CHUK: variants seen among roughly 807,000 people sequenced by gnomAD.
CHUK encodes the protein inhibitor of nuclear factor kappa-B kinase subunit alpha.
In CHUK, 35 loss-of-function variants were observed where a neutral mutation model predicts 104.8. That is an observed-to-expected ratio of 0.33 (90% CI 0.26 to 0.44). CHUK has a LOEUF of 0.44. Among genes scored for constraint, CHUK ranks in the 20% least tolerant of loss-of-function variants. The probability of loss-of-function intolerance (pLI) is 1.00; values close to 1 mark genes in which losing one functional copy is unlikely to be tolerated. For synonymous variants in CHUK, 276 were observed against 291.9 expected (o/e 0.95, Z 0.56); for missense variants, 663 against 902.7 (o/e 0.73, Z 3.40).
chr10:100,200,264 TAAAAAG>T (rs1444964921), intron 15 of CHUK, among the ~76,000 whole-genome samples: 1 of 152,152 alleles, frequency 6.6e-6, no homozygotes, highest in African/African-American at 2.4e-5. Flanking sequence ...CACAGACACT[TAAAAAG>T]ACAAAAATTA....
In CHUK at chr10:100,199,258, G is replaced by A. The variant is rs145164977; in HGVS notation, c.1729+713C>T. Among the ~76,000 whole-genome samples the A allele has an allele frequency of 2.5e-3, 385 of 152,250 alleles. 1 individual carries two copies. The highest frequency in any genetic ancestry group is 9.0e-3 in the African/African-American group (375 of 41,544). ...AAGCAATCTGCTTTGGCCTAGAACA[G>A]CACAGGCCTTCCCTCTAACCATTCC... On this transcript the variant is annotated intron_variant, in intron 16 of 20. Coordinates refer to ENST00000370397, the MANE Select transcript of CHUK (RefSeq NM_001278.5).
At chr10:100,203,888 T>C (rs1044287514) in intron 13 of CHUK, among the ~76,000 whole-genome samples, 3 of 152,158 alleles carry the variant, frequency 2.0e-5, no homozygotes, top group African/African-American at 7.2e-5. Context: ...CAAAATACCA[T>C]AGACTAAGTG....
In CHUK at chr10:100,228,993, GCACACACACACACA is replaced by G. The variant is rs59218517; in HGVS notation, c.105+421_105+434del. 4.5e-5 allele frequency among the ~76,000 whole-genome samples: 6 copies of G among 133,556 alleles called. No individual in the cohort carries two copies. The East Asian group carries it at 9.2e-4, about 21-fold the overall frequency. The allele number at this position is 133,556 out of a possible 152,430, so 87.6% of individuals were successfully genotyped here. On this transcript the variant is annotated intron_variant, in intron 1 of 20. Coordinates refer to ENST00000370397, the MANE Select transcript of CHUK (RefSeq NM_001278.5). ...GGCCTCCAAGCGCGCGCGCGCGCGC[GCACACACACACACA>G]CACACACACACACACACACGGACGC...
chr10:100,211,143 T>C (rs1845718711), intron 9 of CHUK, among the ~76,000 whole-genome samples: 1 of 152,204 alleles, frequency 6.6e-6, no homozygotes, highest in Non-Finnish European at 1.5e-5. Context: ...CACAAAACTA[T>C]AGACAACAGT....
chr10:100,226,066 GATTT>G (rs1484823169), intron 1 of CHUK, 49 bp from the exon 2 acceptor site: 3 of 1,080,332 alleles, frequency 2.8e-6, no homozygotes, highest in Non-Finnish European at 4.3e-6. Context: ...TTCTTGTGAA[GATTT>G]ATTTGCTACC....
chr10:100,193,101 T>C, intron 19 of CHUK, 197 bp downstream of exon 19: 1 of 630,042 alleles, frequency 1.6e-6, no homozygotes, highest in Non-Finnish European at 2.8e-6. Context: ...ACAGCAGTTC[T>C]ATGAGACATT....
Position 100,229,559 on chromosome 10 carries a change from T to A in CHUK, c.-27A>T, listed in dbSNP as rs1273523792. 6.9e-7 allele frequency: 1 copy of A among 1,442,712 alleles called. No individual in the cohort carries two copies. Among genetic ancestry groups the A allele is most frequent in the Non-Finnish European group, 9.4e-7 (1 of 1,068,914 alleles). 89.4% of individuals were successfully genotyped at this position (1,442,712 alleles called of 1,614,324 possible). On this transcript the variant is annotated 5_prime_UTR_variant, in exon 1 of 21. Transcript: ENST00000370397. ...GGGCGGGAGGGCAAGCGGCCTCAGG[T>A]TCCACAGTTGTTCCAAGGCCGGTTC...
intron 2 of CHUK, 70 bp downstream of exon 2, chr10:100,225,853 C>T: frequency 3.4e-6 from 3 of 874,748 alleles, no homozygotes; most frequent in Non-Finnish European, 5.9e-6. Context: ...GGATTCCTGG[C>T]CTCTTTCCCC....
intron 13 of CHUK, among the ~76,000 whole-genome samples, chr10:100,202,910 C>T (rs1442132377): frequency 1.3e-5 from 2 of 152,012 alleles, no homozygotes; most frequent in East Asian, 3.9e-4. Flanking sequence ...GTGTGCACCA[C>T]CATGCCCGGC....
intron 16 of CHUK, chr10:100,195,038 G>A (rs1223507234): frequency 6.5e-6 from 1 of 153,004 alleles, no homozygotes; most frequent in Non-Finnish European, 1.5e-5. Context: ...AAAGGGACCT[G>A]TAGACATCCT....
At position 100,191,066 on chromosome 10, in the gene CHUK, TC is replaced by T. The variant is rs1181317933; in HGVS notation, c.2109-99del. The T allele has an allele frequency of 2.0e-5, 16 of 796,592 alleles. No individual in the cohort carries two copies. In the Admixed American group the frequency reaches 2.8e-4, roughly 14 times the overall value. The allele number at this position is 796,592 out of a possible 1,614,324, so 49.3% of individuals were successfully genotyped here. On this transcript the variant is annotated intron_variant, in intron 19 of 20. Coordinates refer to ENST00000370397, the MANE Select transcript of CHUK (RefSeq NM_001278.5). The stretch of plus-strand genomic sequence containing the variant: ...TCTAGGTTAGCAAGATCACTAGCCT[TC>T]CTGTAACCCAGTACCCCAGTGCAGT...
chr10:100,223,101 ATATTCTAATTT>A (rs1846028007), intron 2 of CHUK, 121 bp from the exon 3 acceptor site: 5 of 573,560 alleles, frequency 8.7e-6, no homozygotes, highest in Non-Finnish European at 1.2e-5. Flanking sequence ...ATTATTTATA[ATATTCTAATTT>A]CTGATTTGTA....
Position 100,219,363 on chromosome 10 carries a change from C to A in CHUK, c.475-4G>T. ...GATCAATTATTTTATGTATTATCTG[C>A]AAAATAATAAGACAGATTAAGTATT... On this transcript the variant is annotated splice_polypyrimidine_tract_variant and splice_region_variant and intron_variant, in intron 5 of 20. Transcript: ENST00000370397. 2 of 1,405,096 alleles carry A rather than the reference C, an allele frequency of 1.4e-6. No individual in the cohort carries two copies. Among genetic ancestry groups the A allele is most frequent in the Non-Finnish European group, 2.0e-6 (2 of 989,944 alleles). 87.0% of individuals were successfully genotyped at this position (1,405,096 alleles called of 1,614,324 possible).
In CHUK at chr10:100,194,512, T is replaced by C. The variant is rs749299084; in HGVS notation, c.1739A>G (p.Tyr580Cys). The change falls in exon 17 of 21, where the codon TAC (tyrosine) becomes TGC (cysteine). Residue 580 changes from tyrosine to cysteine, a missense_variant. By Grantham distance (194) the Tyr-to-Cys change is radical. Transcript: ENST00000370397. ...QLKHRPSDHS[Y>C]SDSTEMVKII... ...TTTCACCATCTCTGTGCTGTCACTGTAGGAGTGATCTATAAAAGACATCAG... is the reference window on the plus strand; with the variant it reads ...TTTCACCATCTCTGTGCTGTCACTGCAGGAGTGATCTATAAAAGACATCAG... The C allele has an allele frequency of 6.2e-7, 1 of 1,608,008 alleles. No individual in the cohort carries two copies.
intron 9 of CHUK, among the ~76,000 whole-genome samples, chr10:100,216,084 C>T (rs1010956395): frequency 6.6e-6 from 1 of 152,154 alleles, no homozygotes; most frequent in African/African-American, 2.4e-5. Context: ...AATAGTGGTG[C>T]TGCAAACTGA....
chr10:100,215,214 C>CAAAA (rs913817319), intron 9 of CHUK, among the ~76,000 whole-genome samples: 1,206 of 51,170 alleles, frequency 0.024, 25 homozygotes, highest in East Asian at 0.059. Context: ...GGCTCCATAT[C>CAAAA]AAAAAAAAAA....
intron 18 of CHUK, 58 bp from the exon 19 acceptor site, chr10:100,193,489 A>C: frequency 1.3e-6 from 2 of 1,592,796 alleles, no homozygotes; most frequent in Non-Finnish European, 1.7e-6. Flanking sequence ...GTTGATTCAC[A>C]CAATTTCTTA....
At chr10:100,222,760 G>A in intron 3 of CHUK, 106 bp downstream of exon 3, 1 of 704,452 alleles carries the variant, frequency 1.4e-6, no homozygotes, top group Non-Finnish European at 2.6e-6. Flanking sequence ...ACAGGAAGCA[G>A]ACCATAGTTT....
At position 100,223,612 on chromosome 10, in the gene CHUK, A is replaced by T. The variant is rs902403976; in HGVS notation, c.201-632T>A. Among the ~76,000 whole-genome samples the T allele has an allele frequency of 1.5e-4, 15 of 98,896 alleles. No homozygotes were observed. In the African/African-American group the frequency reaches 1.6e-3, roughly 10 times the overall value. The allele number at this position is 98,896 out of a possible 152,430, so 64.9% of individuals were successfully genotyped here. ...ACATAGCAAGACCACATCTCTTTTA[A>T]AAAAAAAAAGAAAAAAAGAAAAAGA... On this transcript the variant is annotated intron_variant, in intron 2 of 20. Transcript: ENST00000370397.
Sources: allele counts gnomAD v4.1 joint callset (sites outside exome capture counted in the v4.1 genomes callset), GRCh38; gene constraint gnomAD v4.1.1; transcripts MANE v1.5; gene names NCBI Gene and HGNC (gene_info 2026-07-23, HGNC 2026-07-21).